The following SCMH1 variants were observed in gnomAD, a reference collection of about 807,000 sequenced individuals.
SCMH1 encodes polycomb protein SCMH1.
A neutral mutation model predicts 70.8 loss-of-function variants in SCMH1; 37 were observed. The ratio of observed to expected loss-of-function variants is 0.52; its 90% CI spans 0.40 to 0.69. The LOEUF (loss-of-function observed/expected upper bound fraction) is 0.69. SCMH1 is among the 30% of genes least tolerant of loss of function. The pLI is 0.00. For synonymous variants in SCMH1, 292 were observed against 307.4 expected (o/e 0.95, Z 0.52); for missense variants, 607 against 827.3 (o/e 0.73, Z 3.27).
At chr1:41,097,321 T>G (rs1231536514) in intron 8 of SCMH1, among the ~76,000 whole-genome samples, 1 of 152,210 alleles carries the variant, frequency 6.6e-6, no homozygotes, top group African/African-American at 2.4e-5. Flanking sequence ...TTCTTTTTGC[T>G]TAGTTTGGCA....
At chr1:41,031,335 C>CCA (rs138987132) in intron 13 of SCMH1, among the ~76,000 whole-genome samples, 22 of 151,674 alleles carry the variant, frequency 1.5e-4, no homozygotes, top group South Asian at 2.1e-4. Context: ...CCCACCGCCA[C>CCA]CACACACACA....
chr1:41,150,583 C>T (rs1042292619), intron 5 of SCMH1, among the ~76,000 whole-genome samples: 1 of 152,046 alleles, frequency 6.6e-6, no homozygotes, highest in Non-Finnish European at 1.5e-5. Flanking sequence ...AGTATAAATT[C>T]AGTCCCTTTT....
At chr1:41,238,492 T>C (rs1662834765) in intron 1 of SCMH1, among the ~76,000 whole-genome samples, 1 of 152,190 alleles carries the variant, frequency 6.6e-6, no homozygotes, top group Non-Finnish European at 1.5e-5. Context: ...TTGCACCATC[T>C]GGCTATATAA....
chr1:41,046,964 A>C (rs574520784), intron 11 of SCMH1, among the ~76,000 whole-genome samples: 2 of 152,348 alleles, frequency 1.3e-5, no homozygotes, highest in Admixed American at 1.3e-4. Context: ...GAACTGCCCA[A>C]GAACAGAGAA....
At chr1:41,117,611 G>A (rs940393667) in intron 6 of SCMH1, among the ~76,000 whole-genome samples, 5 of 152,192 alleles carry the variant, frequency 3.3e-5, no homozygotes, top group African/African-American at 9.6e-5. Context: ...GTCTCCCTGT[G>A]ATGCTGTGCT....
intron 7 of SCMH1, among the ~76,000 whole-genome samples, chr1:41,114,118 C>T (rs551367316): frequency 2.6e-5 from 4 of 152,186 alleles, no homozygotes; most frequent in African/African-American, 9.6e-5. Flanking sequence ...AACCACCATC[C>T]TTGCACTTCT....
intron 1 of SCMH1, among the ~76,000 whole-genome samples, chr1:41,197,066 G>A (rs533931724): frequency 6.6e-6 from 1 of 152,248 alleles, no homozygotes; most frequent in South Asian, 2.1e-4. Flanking sequence ...TGAGGATATG[G>A]GAAAATTGCA....
chr1:41,139,784 G>A (rs1360215916), intron 6 of SCMH1, among the ~76,000 whole-genome samples: 2 of 152,106 alleles, frequency 1.3e-5, no homozygotes, highest in Admixed American at 6.5e-5. Context: ...GTTACCTATG[G>A]CAGAAGGAAA....
intron 2 of SCMH1, among the ~76,000 whole-genome samples, chr1:41,179,316 C>A (rs1028820312): frequency 5.4e-5 from 6 of 110,858 alleles, no homozygotes; most frequent in African/African-American, 1.6e-4. Context: ...CTAGAGAAAG[C>A]AAGAGCAAAC....
At chr1:41,088,805 G>T (rs1662481933) in intron 8 of SCMH1, among the ~76,000 whole-genome samples, 2 of 152,168 alleles carry the variant, frequency 1.3e-5, no homozygotes, top group Admixed American at 6.5e-5. Flanking sequence ...TATGCATATA[G>T]AATTCTGAAA....
At chr1:41,104,869 T>C (rs796710398) in intron 8 of SCMH1, among the ~76,000 whole-genome samples, 18 of 152,290 alleles carry the variant, frequency 1.2e-4, no homozygotes, top group African/African-American at 4.1e-4. Flanking sequence ...TGAGTGAATA[T>C]GGGCTCTGGA....
intron 8 of SCMH1, among the ~76,000 whole-genome samples, chr1:41,095,483 A>C (rs529657849): frequency 1.3e-5 from 2 of 152,198 alleles, no homozygotes; most frequent in East Asian, 3.8e-4. Flanking sequence ...AAAATTAGAC[A>C]TATTTCCTCT....
At chr1:41,214,756 T>C (rs540831373) in intron 1 of SCMH1, among the ~76,000 whole-genome samples, 78 of 152,132 alleles carry the variant, frequency 5.1e-4, no homozygotes, top group Non-Finnish European at 1.0e-3. Context: ...ACACTAACCC[T>C]GATTCTCCAA....
At chr1:41,117,835 C>A (rs910814234) in intron 6 of SCMH1, among the ~76,000 whole-genome samples, 71 of 152,166 alleles carry the variant, frequency 4.7e-4, no homozygotes, top group Non-Finnish European at 6.8e-4. Flanking sequence ...ACCCACGTGA[C>A]CTTACCTATC....
At chr1:41,136,427 G>C (rs1643333746) in intron 6 of SCMH1, among the ~76,000 whole-genome samples, 1 of 150,262 alleles carries the variant, frequency 6.7e-6, no homozygotes, top group South Asian at 2.1e-4. Flanking sequence ...TGCCAGGCTG[G>C]AGTGCACTGG....
At chr1:41,200,968 G>A (rs940175712) in intron 1 of SCMH1, among the ~76,000 whole-genome samples, 3 of 151,964 alleles carry the variant, frequency 2.0e-5, no homozygotes, top group African/African-American at 7.3e-5. Context: ...TAAGCAGACC[G>A]TTGAAAGATG....
chr1:41,176,399 G>A (rs1647142025), intron 2 of SCMH1, among the ~76,000 whole-genome samples: 1 of 152,198 alleles, frequency 6.6e-6, no homozygotes, highest in Admixed American at 6.5e-5. Context: ...GTCGGACAGT[G>A]GGTGCAAGAC....
chr1:41,128,183 CTT>C (rs1177650525), intron 6 of SCMH1, among the ~76,000 whole-genome samples: 1 of 152,110 alleles, frequency 6.6e-6, no homozygotes, highest in Non-Finnish European at 1.5e-5. Flanking sequence ...CATTGCTCTT[CTT>C]TTTTAGGAGT....
intron 7 of SCMH1, among the ~76,000 whole-genome samples, chr1:41,116,643 T>C (rs1440846484): frequency 4.6e-5 from 7 of 152,230 alleles, no homozygotes; most frequent in African/African-American, 1.7e-4. Flanking sequence ...AGATTTGTAT[T>C]ACATTTAACA....
Sources: gnomAD v4.1 joint callset for allele counts (sites outside exome capture counted in the v4.1 genomes callset) on GRCh38, gnomAD v4.1.1 for gene constraint, MANE v1.5 for transcripts, NCBI Gene and HGNC (gene_info 2026-07-23, HGNC 2026-07-21) for gene names.